Variants in AGRN observed in about 807,000 individuals in gnomAD.
AGRN encodes the protein agrin, also known as agrin proteoglycan.
Under a neutral mutation model 211.0 loss-of-function variants are expected in AGRN, and 106 were observed. The observed-to-expected ratio is 0.50, with a 90% CI of 0.43 to 0.59. AGRN has a LOEUF of 0.59. AGRN is among the 20% of genes least tolerant of loss of function. The pLI is 0.00. For missense variants in AGRN, 3,040 were observed against 2,982.6 expected (o/e 1.02, Z -0.45); for synonymous variants, 1,525 against 1,332.5 (o/e 1.14, Z -3.15).
intron 2 of AGRN, among the ~76,000 whole-genome samples, chr1:1,028,148 G>A (rs1367975820): frequency 6.6e-6 from 1 of 152,194 alleles, no homozygotes; most frequent in Admixed American, 6.5e-5. Context: ...TGTGCATTGA[G>A]GGGTGAAAGC....
At chr1:1,052,189 C>G in intron 33 of AGRN, 1 of 753,914 alleles carries the variant, frequency 1.3e-6, no homozygotes, top group Non-Finnish European at 1.9e-6. Flanking sequence ...TGCAGTCGCC[C>G]CTCCCAGGGC....
chr1:1,053,549 C>T (rs1368042280), intron 33 of AGRN: 20 of 1,529,136 alleles, frequency 1.3e-5, no homozygotes, highest in Non-Finnish European at 1.8e-5. Flanking sequence ...TGTCCTCCCG[C>T]CCGTCTCTCT....
intron 12 of AGRN, 115 bp downstream of exon 12, chr1:1,044,554 G>A (rs1645038351): frequency 1.8e-6 from 2 of 1,120,360 alleles, no homozygotes; most frequent in Non-Finnish European, 2.6e-6. Context: ...TGTGTATTGT[G>A]TTGTAAGTGA....
intron 2 of AGRN, among the ~76,000 whole-genome samples, chr1:1,029,312 TG>T (rs1644593653): frequency 7.1e-6 from 1 of 140,622 alleles, no homozygotes; most frequent in South Asian, 2.4e-4. Context: ...AGTGTATGGG[TG>T]GGGGTTGAGG....
chr1:1,033,834 G>C (rs1644733386), intron 2 of AGRN, among the ~76,000 whole-genome samples: 1 of 86,590 alleles, frequency 1.2e-5, no homozygotes, highest in Non-Finnish European at 2.3e-5. Flanking sequence ...AGCCCCAGCC[G>C]AGCACCCCCG....
At chr1:1,050,175 C>T (rs1013421817) in intron 27 of AGRN, 58 bp from the exon 28 acceptor site, 14 of 1,601,154 alleles carry the variant, frequency 8.7e-6, no homozygotes, top group African/African-American at 1.3e-5. Context: ...ACACGGCTGG[C>T]ATGGGGTGCA....
At chr1:1,027,587 T>C (rs923574055) in intron 2 of AGRN, among the ~76,000 whole-genome samples, 1 of 152,224 alleles carries the variant, frequency 6.6e-6, no homozygotes, top group African/African-American at 2.4e-5. Context: ...GCCTCTGAGA[T>C]GACCAGTGTG....
chr1:1,033,326 C>G (rs2100600794), intron 2 of AGRN, among the ~76,000 whole-genome samples: 1 of 152,068 alleles, frequency 6.6e-6, no homozygotes, highest in East Asian at 1.9e-4. Flanking sequence ...CTACGCCCCG[C>G]CAGGGCGGGG....
chr1:1,047,764 C>G lies in AGRN; in HGVS notation c.3632-12C>G. 1 of 1,609,300 alleles carries G rather than the reference C, an allele frequency of 6.2e-7. No individual in the cohort carries two copies. Among genetic ancestry groups the G allele is most frequent in the Non-Finnish European group, 8.5e-7 (1 of 1,178,518 alleles). Reference sequence around the variant, plus strand: ...TGGGGCTCTGCCATGCTCAGAGCTCCCTCCTCCCCAGCCACAGCCTTCAGG... The same window carrying G: ...TGGGGCTCTGCCATGCTCAGAGCTCGCTCCTCCCCAGCCACAGCCTTCAGG... On this transcript the variant is annotated splice_polypyrimidine_tract_variant and intron_variant, in intron 21 of 35. Coordinates refer to ENST00000379370, the MANE Select transcript of AGRN (RefSeq NM_198576.4).
rs1645207164 is a variant in AGRN at position 1,049,437 on chromosome 1, G to A, written c.4500G>A (p.Glu1500=). 6.3e-7 allele frequency: 1 copy of A among 1,599,504 alleles called. No homozygotes were observed. Among genetic ancestry groups the A allele is most frequent in the Non-Finnish European group, 8.5e-7 (1 of 1,179,724 alleles). The change falls in exon 25 of 36, where the codon GAG becomes GAA. Residue 1500 remains glutamate (E), a synonymous_variant. Coordinates refer to ENST00000379370, the MANE Select transcript of AGRN (RefSeq NM_198576.4). The part of the protein sequence containing the change: ...DTDLFVGGVP[E]DQAAVALERT... ...ACCTCTTTGTGGGCGGCGTACCCGA[G>A]GACCAGGCTGCCGTGTGAGTCCCTT...
In AGRN at chr1:1,049,352, G is replaced by A; in HGVS notation, c.4415G>A (p.Gly1472Asp). The stretch of plus-strand genomic sequence containing the variant: ...CGCCGGGGCACCCTCTCGGTGGATG[G>A]TGAGACCCCTGTTCTGGGCGAGAGT... ...HWRRGTLSVD[G>D]ETPVLGESPS... Residue 1472 changes from glycine (G) to aspartate (D), a missense_variant, in exon 25 of 36, where the codon GGT becomes GAT. Gly to Asp is a moderately conservative substitution (Grantham distance 94). Coordinates refer to ENST00000379370, the MANE Select transcript of AGRN (RefSeq NM_198576.4). 1 of 1,598,182 alleles carries A rather than the reference G, an allele frequency of 6.3e-7. No homozygotes were observed. Among genetic ancestry groups the A allele is most frequent in the African/African-American group, 1.3e-5 (1 of 74,872 alleles).
rs558247657 is a variant in AGRN at position 1,053,308 on chromosome 1, C to G, written c.5652-445C>G. ...GTCCGCACAAGCATGTGTAGGTGTC[C>G]CTGCTGGGCTCTTTGGTGGGCGGCC... On this transcript the variant is annotated intron_variant, in intron 33 of 35. Coordinates refer to ENST00000379370, the MANE Select transcript of AGRN (RefSeq NM_198576.4). 1.4e-5 allele frequency: 8 copies of G among 574,626 alleles called. No individual in the cohort carries two copies. The Admixed American group carries it at 3.1e-4, about 22-fold the overall frequency. 35.6% of individuals were successfully genotyped at this position (574,626 alleles called of 1,614,324 possible). A position where few individuals can be genotyped will look rare whatever the true frequency, so the allele number is the denominator to read the frequency against.
chr1:1,041,937 C>T lies in AGRN; in HGVS notation c.1178-19C>T, dbSNP rs1168666924. On this transcript the variant is annotated intron_variant, in intron 6 of 35. Transcript: ENST00000379370. ...GGGTGCTCCAGCCTCTCCGTGACTC[C>T]CTCACCCCTGCGTCCTAGACCAGTG... 12 of 1,610,716 alleles carry T rather than the reference C, an allele frequency of 7.5e-6. No homozygotes were observed. Among genetic ancestry groups the T allele is most frequent in the East Asian group, 2.2e-5 (1 of 44,840 alleles).
rs766287924 is a variant in AGRN at position 1,043,381 on chromosome 1, C to T, written c.1527C>T (p.Tyr509=). 14 of 1,609,152 alleles carry T rather than the reference C, an allele frequency of 8.7e-6. No individual in the cohort carries two copies. Among genetic ancestry groups the T allele is most frequent in the South Asian group, 2.2e-5 (2 of 90,484 alleles). ...TGTGCGGCAGCGACGGCGTCACATACGGCAGCGCGTGCGAGCTGGAGGCCA... is the reference window on the plus strand; with the variant it reads ...TGTGCGGCAGCGACGGCGTCACATATGGCAGCGCGTGCGAGCTGGAGGCCA... ...DPVCGSDGVT[Y]GSACELEATA... is the part of the protein sequence containing the mutation. The change falls in exon 8 of 36, where the codon TAC becomes TAT. Residue 509 remains tyrosine, a synonymous_variant. Coordinates refer to ENST00000379370, the MANE Select transcript of AGRN (RefSeq NM_198576.4).
chr1:1,045,996 C>T lies in AGRN; in HGVS notation c.2713C>T (p.Arg905Cys), dbSNP rs199593375. Residue 905 changes from arginine to cysteine, a missense_variant, in exon 16 of 36, where the codon CGC becomes TGC. By Grantham distance (180) the Arg-to-Cys change is radical. This residue lies in a region of AGRN where 1,498 missense variants were observed against 1,457.8 expected (regional missense o/e 1.03). Transcript: ENST00000379370. ...TGCGCCTGCGACCTGTGCGGAGATGCGCTGTGAGTTCGGTGCGCGGTGCGT... is the reference window on the plus strand; with the variant it reads ...TGCGCCTGCGACCTGTGCGGAGATGTGCTGTGAGTTCGGTGCGCGGTGCGT... The part of the protein sequence containing the change: ...ASAPATCAEM[R>C]CEFGARCVEE... 600 of 1,613,818 alleles carry T rather than the reference C, an allele frequency of 3.7e-4. No individual in the cohort carries two copies. Among genetic ancestry groups the T allele is most frequent in the Non-Finnish European group, 4.6e-4 (539 of 1,180,026 alleles).
chr1:1,043,196 A>AG (rs34396893), intron 7 of AGRN, 43 bp from the exon 8 acceptor site: 114 of 1,554,836 alleles, frequency 7.3e-5, no homozygotes, highest in Non-Finnish European at 8.2e-5. Context: ...CCTGCAGCGG[A>AG]GGGGGGGCTT....
At position 1,055,037 on chromosome 1, in the gene AGRN, TG is replaced by T. The variant is rs1401002742; in HGVS notation, c.*57del. 1 of 1,538,828 alleles carries T rather than the reference TG, an allele frequency of 6.5e-7. No individual in the cohort carries two copies. The highest frequency in any genetic ancestry group is 2.4e-5 in the East Asian group (1 of 40,886). On this transcript the variant is annotated 3_prime_UTR_variant, in exon 36 of 36. Coordinates refer to ENST00000379370, the MANE Select transcript of AGRN (RefSeq NM_198576.4). Reference sequence around the variant, plus strand: ...TTATTTTCTATTTTTGTAAACTTGTTGCTTTTTGATATGATTTTCTTGCCTG... The same window carrying T: ...TTATTTTCTATTTTTGTAAACTTGTTCTTTTTGATATGATTTTCTTGCCTG...
chr1:1,054,154 C>G (rs1341380527), intron 34 of AGRN, among the ~76,000 whole-genome samples, 177 bp downstream of exon 34: 1 of 152,236 alleles, frequency 6.6e-6, no homozygotes, highest in Non-Finnish European at 1.5e-5. Flanking sequence ...AAGCAATGAT[C>G]AGTTTCCACG....
chr1:1,037,625 G>T (rs917139327), intron 3 of AGRN, among the ~76,000 whole-genome samples: 1 of 152,250 alleles, frequency 6.6e-6, no homozygotes, highest in Non-Finnish European at 1.5e-5. Context: ...CCTGCAGGAG[G>T]TGGAGCTAAG....
Sources: gnomAD v4.1 joint callset for allele counts (sites outside exome capture counted in the v4.1 genomes callset) on GRCh38, gnomAD v4.1.1 for gene constraint, gnomAD v4.1.1 regional missense constraint, MANE v1.5 for transcripts, NCBI Gene and HGNC (gene_info 2026-07-23, HGNC 2026-07-21) for gene names.